The following DSC1 variants were observed in gnomAD, a reference collection of about 807,000 sequenced individuals.
The protein encoded by DSC1 is desmocollin-1.
Under a neutral mutation model 98.8 loss-of-function variants are expected in DSC1, and 79 were observed. The ratio of observed to expected loss-of-function variants is 0.80; its 90% CI spans 0.67 to 0.96. DSC1 has a LOEUF of 0.96. Ranked by LOEUF, DSC1 falls within the 50% of genes least tolerant of loss-of-function variation. DSC1 has a pLI of 0.00. For missense variants in DSC1, 1,115 were observed against 1,075.9 expected (o/e 1.04, Z -0.51); for synonymous variants, 405 against 372.1 (o/e 1.09, Z -1.02).
At chr18:31,160,996 A>G (rs1337289688) in intron 1 of DSC1, among the ~76,000 whole-genome samples, 2 of 152,122 alleles carry the variant, frequency 1.3e-5, no homozygotes, top group Non-Finnish European at 2.9e-5. Flanking sequence ...CACTTAGAGG[A>G]TATAGTCTAC....
At chr18:31,156,508 G>A (rs532675387) in intron 3 of DSC1, among the ~76,000 whole-genome samples, 1 of 152,270 alleles carries the variant, frequency 6.6e-6, no homozygotes, top group Admixed American at 6.5e-5. Flanking sequence ...ACCAAAATCT[G>A]TTAAAACCCT....
intron 2 of DSC1, among the ~76,000 whole-genome samples, chr18:31,158,576 T>C (rs1347032265): frequency 6.6e-6 from 1 of 152,098 alleles, no homozygotes; most frequent in Non-Finnish European, 1.5e-5. Flanking sequence ...TGAAAAACCT[T>C]GATGAAAAAA....
At chr18:31,131,480 C>A in intron 15 of DSC1, 114 bp downstream of exon 15, 1 of 1,323,722 alleles carries the variant, frequency 7.6e-7, no homozygotes, top group Non-Finnish European at 1.0e-6. Context: ...GATAATCCAA[C>A]AGGTAAAAGA....
chr18:31,148,334 G>A (rs1213333325), intron 6 of DSC1, among the ~76,000 whole-genome samples, 164 bp downstream of exon 6: 1 of 151,944 alleles, frequency 6.6e-6, no homozygotes, highest in Non-Finnish European at 1.5e-5. Flanking sequence ...ACCCTTAATA[G>A]CAATGTCATA....
chr18:31,143,139 C>A (rs1988769813), intron 8 of DSC1, among the ~76,000 whole-genome samples: 1 of 151,680 alleles, frequency 6.6e-6, no homozygotes, highest in Non-Finnish European at 1.5e-5. Flanking sequence ...ACACACATCA[C>A]ACATATATAT....
rs35550730 is a variant in DSC1 at position 31,159,532 on chromosome 18, CAA to C, written c.64-5_64-4del. 1.4e-4 allele frequency: 203 copies of C among 1,405,568 alleles called. No individual in the cohort carries two copies. The highest frequency in any genetic ancestry group is 4.2e-4 in the South Asian group (31 of 72,992). 87.1% of individuals were successfully genotyped at this position (1,405,568 alleles called of 1,614,324 possible). A position where few individuals can be genotyped will look rare whatever the true frequency, so the allele number is the denominator to read the frequency against. On this transcript the variant is annotated splice_region_variant and splice_polypyrimidine_tract_variant and intron_variant, in intron 1 of 15. Coordinates refer to ENST00000257198, the MANE Select transcript of DSC1 (RefSeq NM_024421.2). ...GCATCGCAAAGTAATGTTAAAACCTCAAAAAAAAAAAAAGAAAAAATATCAGG... is the reference window on the plus strand; with the variant it reads ...GCATCGCAAAGTAATGTTAAAACCTCAAAAAAAAAAAGAAAAAATATCAGG...
At chr18:31,138,617 T>TAA (rs35838282) in intron 11 of DSC1, among the ~76,000 whole-genome samples, 1 of 149,100 alleles carries the variant, frequency 6.7e-6, no homozygotes, top group Admixed American at 6.7e-5. Flanking sequence ...ATTTTGTTAT[T>TAA]AAAAAAAAAA....
chr18:31,145,810 T>G (rs1394463614), intron 6 of DSC1, 33 bp from the exon 7 acceptor site: 4 of 1,589,534 alleles, frequency 2.5e-6, no homozygotes, highest in Non-Finnish European at 3.4e-6. Context: ...GTCAAAAATT[T>G]CTACTCATAT....
intron 11 of DSC1, among the ~76,000 whole-genome samples, chr18:31,137,506 G>A (rs1164488596): frequency 1.3e-5 from 2 of 152,080 alleles, no homozygotes; most frequent in Non-Finnish European, 2.9e-5. Context: ...CACCTGCACT[G>A]TGCATATGTA....
chr18:31,137,965 A>ATGTG (rs201493651), intron 11 of DSC1, among the ~76,000 whole-genome samples: 7,094 of 141,548 alleles, frequency 0.05, 179 homozygotes, highest in Non-Finnish European at 0.06. Flanking sequence ...TCAGAGCAAA[A>ATGTG]TGTGTGTGTG....
Position 31,156,144 on chromosome 18 carries a change from T to C in DSC1, c.370A>G (p.Thr124Ala), listed in dbSNP as rs1989093566. The change falls in exon 4 of 16, where the codon ACC (threonine) becomes GCC (alanine). Residue 124 changes from threonine (T) to alanine (A), a missense_variant. Transcript: ENST00000257198. ...RENKSPKKRH[T>A]KDTALKRSKR... ...CTGCGCTTGAGGGCTGTGTCTTTGG[T>C]ATGTCTCTTCTTAGGAGACTACATT... The C allele has an allele frequency of 6.2e-7, 1 of 1,613,856 alleles. No homozygotes were observed. The highest frequency in any genetic ancestry group is 8.5e-7 in the Non-Finnish European group (1 of 1,179,976).
At chr18:31,134,499 G>T (rs1988565666) in intron 12 of DSC1, 73 bp downstream of exon 12, 1 of 1,199,678 alleles carries the variant, frequency 8.3e-7, no homozygotes, top group African/African-American at 1.6e-5. Context: ...TATTTATTAT[G>T]ATAAACTAAG....
At position 31,162,574 on chromosome 18, in the gene DSC1, G is replaced by A; in HGVS notation, c.21C>T (p.Ala7=). Residue 7 remains alanine, a synonymous_variant, in exon 1 of 16, where the codon GCC becomes GCT. Transcript: ENST00000257198. MALASA[A]PGSIFCKQLL... ...GCTGCTTACAGAAGATGCTCCCTGG[G>A]GCAGCAGAGGCCAGAGCCATCAGAA... is the stretch of plus-strand genomic sequence containing the variant. The A allele has an allele frequency of 6.2e-7, 1 of 1,614,142 alleles. No individual in the cohort carries two copies. The highest frequency in any genetic ancestry group is 8.5e-7 in the Non-Finnish European group (1 of 1,180,018).
At chr18:31,135,411 C>T (rs1270155930) in intron 11 of DSC1, among the ~76,000 whole-genome samples, 1 of 152,134 alleles carries the variant, frequency 6.6e-6, no homozygotes, top group African/African-American at 2.4e-5. Flanking sequence ...TACTTTGGCT[C>T]ACACACTGAA....
At chr18:31,150,848 C>T (rs1265296020) in intron 5 of DSC1, 1 of 152,098 alleles carries the variant, frequency 6.6e-6, no homozygotes, top group East Asian at 1.9e-4. Flanking sequence ...ATACGTGTAT[C>T]CTAGAAGTAC....
intron 9 of DSC1, among the ~76,000 whole-genome samples, chr18:31,140,914 G>C (rs909331324): frequency 6.6e-6 from 1 of 152,102 alleles, no homozygotes; most frequent in Non-Finnish European, 1.5e-5. Context: ...TTGAATCTTG[G>C]GGGCCAGTCT....
rs1598610487 is a variant in DSC1 at position 31,130,570 on chromosome 18, G to A, written c.2629C>T (p.Leu877=). 1.9e-6 allele frequency: 3 copies of A among 1,614,116 alleles called. No individual in the cohort carries two copies. The highest frequency in any genetic ancestry group is 1.7e-6 in the Non-Finnish European group (2 of 1,180,016). Reference sequence around the variant, plus strand: ...CTAAATTTGGGTTCCAGGTGATCTAGAAACTCCAGTCCCTCTTCTTCCTGC... The same window carrying A: ...CTAAATTTGGGTTCCAGGTGATCTAAAAACTCCAGTCCCTCTTCTTCCTGC... ...DRQEEEGLEF[L]DHLEPKFRTL... The change falls in exon 16 of 16, where the codon CTA becomes TTA. Residue 877 remains leucine, a synonymous_variant. Transcript: ENST00000257198.
intron 15 of DSC1, chr18:31,130,937 G>T: frequency 8.8e-7 from 1 of 1,135,228 alleles, no homozygotes; most frequent in South Asian, 1.6e-5. Flanking sequence ...AAAAAATTAA[G>T]ACTACGCATA....
Position 31,143,715 on chromosome 18 carries a change from G to A in DSC1, c.1016C>T (p.Thr339Ile), listed in dbSNP as rs1358927614. 1.2e-6 allele frequency: 2 copies of A among 1,600,122 alleles called. No homozygotes were observed. The highest frequency in any genetic ancestry group is 1.3e-5 in the African/African-American group (1 of 74,444). ...GQPFGLFNTG[T>I]ITISLEDEND... is the part of the protein sequence containing the mutation. ...TTCATCCTCAAGTGAAATAGTAATT[G>A]TTCCTGTATTAAATAAACCGAAAGG... The change falls in exon 8 of 16, where the codon ACA becomes ATA. Residue 339 changes from threonine (T) to isoleucine (I), a missense_variant. By Grantham distance (89) the Thr-to-Ile change is moderately conservative. Coordinates refer to ENST00000257198, the MANE Select transcript of DSC1 (RefSeq NM_024421.2).
Sources: allele counts gnomAD v4.1 joint callset (sites outside exome capture counted in the v4.1 genomes callset), GRCh38; gene constraint gnomAD v4.1.1; transcripts MANE v1.5; gene names NCBI Gene and HGNC (gene_info 2026-07-23, HGNC 2026-07-21).